LIMS1: variants seen among roughly 807,000 people sequenced by gnomAD.
LIMS1 encodes the protein LIM zinc finger domain containing 1, also known as LIM and senescent cell antigen-like-containing domain protein 1.
LIMS1 carries 18 observed loss-of-function variants against 44.1 expected under a neutral mutation model. The observed-to-expected ratio is 0.41, with a 90% CI of 0.28 to 0.61. The LOEUF is 0.61. Ranked by LOEUF, LIMS1 falls within the 20% of genes least tolerant of loss-of-function variation. The probability of loss-of-function intolerance (pLI) is 0.32; values close to 1 mark genes in which losing one functional copy is unlikely to be tolerated. For missense variants in LIMS1, 201 were observed against 422.0 expected, an observed-to-expected ratio of 0.48 and a Z score of 4.59; for synonymous variants, 93 against 149.1, an observed-to-expected ratio of 0.62 and a Z score of 2.74.
chr2:108,679,387 G>A (rs1692794243), intron 8 of LIMS1, among the ~76,000 whole-genome samples: 1 of 152,096 alleles, frequency 6.6e-6, no homozygotes, highest in African/African-American at 2.4e-5. Context: ...GGCTGAGACA[G>A]GAGAATCACC....
At chr2:108,619,704 A>G (rs933014564) in intron 1 of LIMS1, among the ~76,000 whole-genome samples, 2 of 151,688 alleles carry the variant, frequency 1.3e-5, no homozygotes, top group Non-Finnish European at 2.9e-5. Context: ...ACAAAACAAA[A>G]CAAAAAGAAT....
At chr2:108,574,772 GT>G (rs1469680888) in intron 1 of LIMS1, among the ~76,000 whole-genome samples, 4 of 152,128 alleles carry the variant, frequency 2.6e-5, no homozygotes, top group Non-Finnish European at 5.9e-5. Flanking sequence ...AAACTCTTTG[GT>G]TTTCCTGTCC....
intron 5 of LIMS1, 151 bp downstream of exon 5, chr2:108,673,180 T>A: frequency 1.7e-6 from 2 of 1,204,916 alleles, no homozygotes; most frequent in Non-Finnish European, 2.3e-6. Context: ...GAGAATGATA[T>A]AATGAAACCT....
intron 8 of LIMS1, among the ~76,000 whole-genome samples, chr2:108,680,080 A>C (rs1167290906): frequency 3.3e-5 from 5 of 151,858 alleles, no homozygotes; most frequent in East Asian, 3.9e-4. Context: ...CAAAAATTAG[A>C]CAGGTATAGG....
At chr2:108,600,950 CTTTCA>C (rs1383281314) in intron 1 of LIMS1, among the ~76,000 whole-genome samples, 2 of 139,890 alleles carry the variant, frequency 1.4e-5, no homozygotes, top group East Asian at 3.9e-4. Flanking sequence ...CTTCACTTTT[CTTTCA>C]CAGAGTCTTA....
intron 8 of LIMS1, among the ~76,000 whole-genome samples, chr2:108,678,866 A>G (rs1036980072): frequency 5.3e-5 from 8 of 152,218 alleles, no homozygotes; most frequent in African/African-American, 1.9e-4. Flanking sequence ...CAGTAGGGAC[A>G]GAAACAGCAA....
chr2:108,663,777 A>T (rs1322530868), intron 2 of LIMS1, among the ~76,000 whole-genome samples: 1 of 151,450 alleles, frequency 6.6e-6, no homozygotes, highest in Non-Finnish European at 1.5e-5. Flanking sequence ...TTTTTGAGAC[A>T]GAGTTTCACT....
At chr2:108,591,621 G>A (rs1003611316) in intron 1 of LIMS1, among the ~76,000 whole-genome samples, 6 of 151,770 alleles carry the variant, frequency 4.0e-5, no homozygotes, top group African/African-American at 1.5e-4. Context: ...CACCATGCCT[G>A]GCTAATTTTT....
chr2:108,557,066 GTTCC>G (rs1340838835), intron 1 of LIMS1, among the ~76,000 whole-genome samples: 1 of 151,982 alleles, frequency 6.6e-6, no homozygotes, highest in African/African-American at 2.4e-5. Flanking sequence ...ACCTACCTTT[GTTCC>G]TTCCTTCCTT....
chr2:108,553,659 G>A (rs1220745070), intron 1 of LIMS1, among the ~76,000 whole-genome samples: 1 of 152,200 alleles, frequency 6.6e-6, no homozygotes, highest in Non-Finnish European at 1.5e-5. Context: ...AAACTACTAA[G>A]GAACAGGAAA....
At chr2:108,581,480 T>C (rs6736225) in intron 1 of LIMS1, among the ~76,000 whole-genome samples, 69,162 of 152,162 alleles carry the variant, frequency 0.45, 16,961 homozygotes, top group East Asian at 0.96. Flanking sequence ...CCCCAATTCA[T>C]GAATTGCTTC....
At position 108,601,963 on chromosome 2, in the gene LIMS1, TC is replaced by T. The variant is rs1687040530; in HGVS notation, c.33-57641del. On this transcript the variant is annotated intron_variant, in intron 1 of 9. Coordinates refer to ENST00000544547, the Ensembl canonical transcript of LIMS1. ...GGAATGTCTTTCCATTTTTTGGTGT[TC>T]TATTCAATTTTCTTTATCAGTGTTT... 5.3e-5 allele frequency among the ~76,000 whole-genome samples: 3 copies of T among 56,526 alleles called. No individual in the cohort carries two copies. In the Admixed American group the frequency reaches 8.6e-4, roughly 16 times the overall value. 37.1% of individuals were successfully genotyped at this position (56,526 alleles called of 152,430 possible). A position where few individuals can be genotyped will look rare whatever the true frequency, so the allele number is the denominator to read the frequency against.
At chr2:108,685,869 C>G (rs1410453290) in exon 10 of LIMS1, 1 of 152,204 alleles carries the variant, frequency 6.6e-6, no homozygotes, top group Non-Finnish European at 1.5e-5. Flanking sequence ...TACCTCTACA[C>G]GAGAAATATG....
chr2:108,610,937 A>G (rs796335254), intron 1 of LIMS1, among the ~76,000 whole-genome samples: 14 of 152,266 alleles, frequency 9.2e-5, no homozygotes, highest in African/African-American at 3.4e-4. Flanking sequence ...GTCCTCACCT[A>G]GCTTCCCCTC....
chr2:108,561,648 A>G (rs1388472007), intron 1 of LIMS1, among the ~76,000 whole-genome samples: 2 of 151,594 alleles, frequency 1.3e-5, no homozygotes. Flanking sequence ...TGCTCACTTC[A>G]TGTCTGTGTG....
At chr2:108,603,747 T>C (rs1195079417) in intron 1 of LIMS1, among the ~76,000 whole-genome samples, 2 of 152,090 alleles carry the variant, frequency 1.3e-5, no homozygotes, top group Non-Finnish European at 2.9e-5. Context: ...GGCCTCCTTT[T>C]AATCTCTGAT....
chr2:108,648,952 G>T (rs529471593), intron 1 of LIMS1, among the ~76,000 whole-genome samples: 10 of 152,180 alleles, frequency 6.6e-5, no homozygotes, highest in African/African-American at 2.4e-4. Context: ...AACACCAACA[G>T]CAATGGCAGC....
At chr2:108,545,319 C>T (rs879444715) in intron 1 of LIMS1, among the ~76,000 whole-genome samples, 5 of 152,082 alleles carry the variant, frequency 3.3e-5, no homozygotes, top group East Asian at 1.9e-4. Context: ...CTGCAACCTC[C>T]GCCTCCCGGG....
chr2:108,660,368 T>C lies in LIMS1; in HGVS notation c.192+604T>C, dbSNP rs538439886. ...TTGATCCTCGGGTGTTAGCATATGG[T>C]CTGCACTTCCTTTGTAGTGTATTTG... On this transcript the variant is annotated intron_variant, in intron 2 of 9. Transcript: ENST00000544547. 6 of 460,878 alleles carry C rather than the reference T, an allele frequency of 1.3e-5. No homozygotes were observed. The East Asian group carries it at 4.2e-4, about 32-fold the overall frequency. 28.5% of individuals were successfully genotyped at this position (460,878 alleles called of 1,614,324 possible).
Sources: allele counts gnomAD v4.1 joint callset (sites outside exome capture counted in the v4.1 genomes callset), GRCh38; gene constraint gnomAD v4.1.1; transcripts MANE v1.5; gene names NCBI Gene and HGNC (gene_info 2026-07-23, HGNC 2026-07-21).